The following LHFPL3 variants were observed in gnomAD, a reference collection of about 807,000 sequenced individuals.
LHFPL3 encodes LHFPL tetraspan subfamily member 3 protein.
In LHFPL3, 5 loss-of-function variants were observed where a neutral mutation model predicts 19.3. The ratio of observed to expected loss-of-function variants is 0.26; its 90% CI spans 0.14 to 0.54. The LOEUF is 0.54. LHFPL3 is among the 20% of genes least tolerant of loss of function. The pLI is 0.94. For synonymous variants in LHFPL3, 133 were observed against 126.2 expected, an observed-to-expected ratio of 1.05 and a Z score of -0.36; for missense variants, 249 against 307.4, an observed-to-expected ratio of 0.81 and a Z score of 1.42.
chr7:104,678,280 A>G (rs1407748328), intron 1 of LHFPL3, among the ~76,000 whole-genome samples: 1 of 152,228 alleles, frequency 6.6e-6, no homozygotes, highest in Non-Finnish European at 1.5e-5. Flanking sequence ...AATTCTGGGC[A>G]GGTTTAATGC....
At chr7:104,799,296 T>C (rs2116469249) in intron 2 of LHFPL3, 3 of 152,326 alleles carry the variant, frequency 2.0e-5, no homozygotes, top group East Asian at 3.9e-4. Flanking sequence ...AGATTTGGGC[T>C]CTGGGTGCTG....
At chr7:104,398,245 T>C (rs1161282478) in intron 1 of LHFPL3, among the ~76,000 whole-genome samples, 1 of 152,226 alleles carries the variant, frequency 6.6e-6, no homozygotes, top group Non-Finnish European at 1.5e-5. Flanking sequence ...TGTTCACACT[T>C]AGATCCCAGG....
rs553991555 is a variant in LHFPL3 at position 104,403,579 on chromosome 7, A to G, written c.445+74355A>G. ...TACTTTGGTCTTTGTATACATTTGTAATTCTCAGATCTCTTTATACTGTTT... is the reference window on the plus strand; with the variant it reads ...TACTTTGGTCTTTGTATACATTTGTGATTCTCAGATCTCTTTATACTGTTT... On this transcript the variant is annotated intron_variant, in intron 1 of 2. Coordinates refer to ENST00000424859, the MANE Select transcript of LHFPL3 (RefSeq NM_199000.3). Among the ~76,000 whole-genome samples the G allele has an allele frequency of 9.2e-5, 14 of 152,360 alleles. No individual in the cohort carries two copies. In the South Asian group the frequency reaches 2.7e-3, roughly 29 times the overall value.
chr7:104,588,057 T>A (rs988659768), intron 1 of LHFPL3, among the ~76,000 whole-genome samples: 1 of 152,228 alleles, frequency 6.6e-6, no homozygotes, highest in African/African-American at 2.4e-5. Flanking sequence ...TTTCTCCCAT[T>A]CTGTAGGTTG....
intron 2 of LHFPL3, among the ~76,000 whole-genome samples, chr7:104,781,972 C>T (rs1794723021): frequency 6.6e-6 from 1 of 152,152 alleles, no homozygotes; most frequent in South Asian, 2.1e-4. Context: ...TATTATCATA[C>T]AGCAAACTAC....
chr7:104,808,161 C>A (rs995193371), intron 2 of LHFPL3, among the ~76,000 whole-genome samples: 2 of 152,196 alleles, frequency 1.3e-5, no homozygotes, highest in Non-Finnish European at 2.9e-5. Flanking sequence ...GGCACAGAAT[C>A]GCAAACTATG....
chr7:104,882,497 C>G (rs545832926), intron 2 of LHFPL3, among the ~76,000 whole-genome samples: 1 of 152,326 alleles, frequency 6.6e-6, no homozygotes, highest in African/African-American at 2.4e-5. Context: ...ATCTGCCCAC[C>G]TTGGCCTCCC....
chr7:104,679,097 G>C (rs1792645935), intron 1 of LHFPL3, among the ~76,000 whole-genome samples: 3 of 152,240 alleles, frequency 2.0e-5, no homozygotes, highest in African/African-American at 7.2e-5. Flanking sequence ...AACTTAGCTG[G>C]TAGTTCTAGC....
chr7:104,736,047 C>T (rs1793809335), intron 1 of LHFPL3, among the ~76,000 whole-genome samples: 1 of 152,024 alleles, frequency 6.6e-6, no homozygotes, highest in Non-Finnish European at 1.5e-5. Context: ...GAGGATCCTC[C>T]ATGTTGTTTT....
chr7:104,444,793 A>G (rs1172858892), intron 1 of LHFPL3, among the ~76,000 whole-genome samples: 1 of 152,162 alleles, frequency 6.6e-6, no homozygotes, highest in Non-Finnish European at 1.5e-5. Context: ...GTTCGAGACC[A>G]GCCTGACCAA....
chr7:104,465,156 G>A (rs1243089115), intron 1 of LHFPL3, among the ~76,000 whole-genome samples: 2 of 152,064 alleles, frequency 1.3e-5, no homozygotes, highest in Non-Finnish European at 2.9e-5. Context: ...ATCTCCATCT[G>A]AAACCACCTC....
intron 1 of LHFPL3, among the ~76,000 whole-genome samples, chr7:104,644,362 C>G (rs1459277981): frequency 6.6e-6 from 1 of 152,200 alleles, no homozygotes; most frequent in Non-Finnish European, 1.5e-5. Flanking sequence ...GCTTTACTAA[C>G]TTTCCTTAAC....
chr7:104,900,037 C>T (rs1373553403), intron 2 of LHFPL3, among the ~76,000 whole-genome samples: 1 of 152,158 alleles, frequency 6.6e-6, no homozygotes, highest in Non-Finnish European at 1.5e-5. Flanking sequence ...GCCTGGCCGC[C>T]AATTTATTAG....
intron 1 of LHFPL3, among the ~76,000 whole-genome samples, chr7:104,675,560 A>T (rs1792574134): frequency 6.6e-6 from 1 of 152,208 alleles, no homozygotes; most frequent in Non-Finnish European, 1.5e-5. Context: ...GGCTAAAAGC[A>T]GATAAAGCAA....
chr7:104,700,199 C>T lies in LHFPL3; in HGVS notation c.446-36476C>T, dbSNP rs115310935. ...GCCTTGAGCCCTCTCTTGGCCATAC[C>T]GCCATTTTATTTTCTCTTGTTTCTT... is the stretch of plus-strand genomic sequence containing the variant. On this transcript the variant is annotated intron_variant, in intron 1 of 2. Transcript: ENST00000424859. Among the ~76,000 whole-genome samples the T allele has an allele frequency of 2.9e-3, 438 of 152,246 alleles. 6 individuals carry two copies. The highest frequency in any genetic ancestry group is 9.8e-3 in the African/African-American group (408 of 41,528).
At chr7:104,483,790 A>G (rs564506382) in intron 1 of LHFPL3, among the ~76,000 whole-genome samples, 1 of 151,992 alleles carries the variant, frequency 6.6e-6, no homozygotes, top group African/African-American at 2.4e-5. Flanking sequence ...TATTTTTTTT[A>G]AATTCTTAAA....
intron 1 of LHFPL3, among the ~76,000 whole-genome samples, chr7:104,415,652 AAC>A (rs1012163884): frequency 6.6e-6 from 1 of 152,236 alleles, no homozygotes; most frequent in African/African-American, 2.4e-5. Context: ...GTAATCATAA[AAC>A]ACATTCCACT....
intron 2 of LHFPL3, among the ~76,000 whole-genome samples, chr7:104,794,983 C>T (rs1003370542): frequency 2.6e-5 from 4 of 152,216 alleles, no homozygotes; most frequent in African/African-American, 2.4e-5. Flanking sequence ...AATAATCCAA[C>T]TAGGTGGTTA....
intron 2 of LHFPL3, among the ~76,000 whole-genome samples, chr7:104,780,473 A>G (rs373638641): frequency 2.0e-5 from 3 of 152,108 alleles, no homozygotes; most frequent in East Asian, 3.8e-4. Context: ...TTTGTAAGGC[A>G]CCGGTGACAG....
Sources: gnomAD v4.1 joint callset for allele counts (sites outside exome capture counted in the v4.1 genomes callset) on GRCh38, gnomAD v4.1.1 for gene constraint, MANE v1.5 for transcripts, NCBI Gene and HGNC (gene_info 2026-07-23, HGNC 2026-07-21) for gene names.